Variants in IDUA observed in about 807,000 individuals in gnomAD.
IDUA encodes iduronidase alpha-L-.
A neutral mutation model predicts 68.9 loss-of-function variants in IDUA; 65 were observed. The observed-to-expected ratio is 0.94, with a 90% CI of 0.77 to 1.16. IDUA has a LOEUF of 1.16. Among genes scored for constraint, IDUA ranks in the 50% most tolerant of loss-of-function variants. The pLI, the probability that IDUA is intolerant of heterozygous loss-of-function variation, is 0.00. For synonymous variants in IDUA, 529 were observed against 433.6 expected, an observed-to-expected ratio of 1.22 and a Z score of -2.73; for missense variants, 1,046 against 938.0, an observed-to-expected ratio of 1.12 and a Z score of -1.50.
chr4:989,975 C>T lies in IDUA; in HGVS notation c.299+2026C>T, dbSNP rs776045970. The T allele has an allele frequency of 1.9e-5, 29 of 1,556,554 alleles. No individual in the cohort carries two copies. Among genetic ancestry groups the T allele is most frequent in the African/African-American group, 1.2e-4 (9 of 73,560 alleles). ...GGGGGCATGAAACCCGTGGGGATGTCGCCAGCCACGCTCGAGCCAAAGCGC... is the reference window on the plus strand; with the variant it reads ...GGGGGCATGAAACCCGTGGGGATGTTGCCAGCCACGCTCGAGCCAAAGCGC... On this transcript the variant is annotated intron_variant, in intron 2 of 13. Coordinates refer to ENST00000514224, the MANE Select transcript of IDUA (RefSeq NM_000203.5).
chr4:988,406 A>C, intron 2 of IDUA: 1 of 1,063,242 alleles, frequency 9.4e-7, no homozygotes, highest in Non-Finnish European at 1.1e-6. Flanking sequence ...ACCCTCGTGC[A>C]CTTGGCCAGA....
Position 1,002,870 on chromosome 4 carries a change from G to A in IDUA, c.1328G>A (p.Ser443Asn), listed in dbSNP as rs753372256. 4 of 1,444,914 alleles carry A rather than the reference G, an allele frequency of 2.8e-6. No homozygotes were observed. The East Asian group carries it at 9.0e-5, about 33-fold the overall frequency. 89.5% of individuals were successfully genotyped at this position (1,444,914 alleles called of 1,614,324 possible). Residue 443 changes from serine to asparagine, a missense_variant, in exon 9 of 14, where the codon AGC (serine) becomes AAC (asparagine). Transcript: ENST00000514224. Reference sequence around the variant, plus strand: ...CGCGCCGCGGTGCTGATCTACGCGAGCGACGACACCCGCGCCCACCCCAAC... The same window carrying A: ...CGCGCCGCGGTGCTGATCTACGCGAACGACGACACCCGCGCCCACCCCAAC... ...AWRAAVLIYA[S>N]DDTRAHPNRS...
chr4:994,491 A>G (rs1483827201), intron 2 of IDUA, among the ~76,000 whole-genome samples: 19 of 128,670 alleles, frequency 1.5e-4, no homozygotes, highest in Admixed American at 4.8e-4. Context: ...AGGCTGGAGT[A>G]CAGTGGCATG....
Position 988,916 on chromosome 4 carries a change from G to A in IDUA, c.299+967G>A. The A allele has an allele frequency of 6.2e-7, 1 of 1,604,646 alleles. No homozygotes were observed. The highest frequency in any genetic ancestry group is 8.5e-7 in the Non-Finnish European group (1 of 1,176,498). ...GCATCGTGCACACTGAGGAACAGCT[G>A]CTCCTCCTCAGCCGTGTCCCCGGGG... On this transcript the variant is annotated intron_variant, in intron 2 of 13. Transcript: ENST00000514224.
intron 1 of IDUA, 48 bp downstream of exon 1, chr4:987,290 T>G (rs1713807931): frequency 2.7e-6 from 4 of 1,486,500 alleles, no homozygotes; most frequent in Middle Eastern, 2.3e-4. Flanking sequence ...CGGGGAGAGC[T>G]CGGGCGCCCC....
intron 2 of IDUA, among the ~76,000 whole-genome samples, chr4:1,000,305 CT>C (rs1193615596): frequency 1.3e-5 from 2 of 152,246 alleles, no homozygotes; most frequent in African/African-American, 4.8e-5. Context: ...CTCCTGACCC[CT>C]GGCCCCTGCT....
At position 1,003,173 on chromosome 4, in the gene IDUA, A is replaced by C; in HGVS notation, c.1524+16A>C. On this transcript the variant is annotated intron_variant, in intron 10 of 13. Coordinates refer to ENST00000514224, the MANE Select transcript of IDUA (RefSeq NM_000203.5). ...CGCGGCTGAGGTAGGTGGGCCGCGG[A>C]GGGGCGAGGGGCCGGGCCGGGCCGG... The C allele has an allele frequency of 2.2e-6, 2 of 898,846 alleles. No homozygotes were observed. The highest frequency in any genetic ancestry group is 2.6e-6 in the Non-Finnish European group (2 of 782,322). 55.7% of individuals were successfully genotyped at this position (898,846 alleles called of 1,614,324 possible). A position where few individuals can be genotyped will look rare whatever the true frequency, so the allele number is the denominator to read the frequency against.
rs751792135 is a variant in IDUA at position 987,883 on chromosome 4, G to A, written c.233G>A (p.Gly78Asp). Residue 78 changes from glycine (G) to aspartate (D), a missense_variant, in exon 2 of 14, where the codon GGC becomes GAC. By Grantham distance (94) the Gly-to-Asp change is moderately conservative. Transcript: ENST00000514224. ...CAGCAGCTCAACCTCGCCTATGTGG[G>A]CGCCGTCCCTCACCGCGGCATCAAG... The part of the protein sequence containing the change: ...WDQQLNLAYV[G>D]AVPHRGIKQV... 4.8e-5 allele frequency: 77 copies of A among 1,611,620 alleles called. No homozygotes were observed. Among genetic ancestry groups the A allele is most frequent in the Non-Finnish European group, 6.3e-5 (74 of 1,179,620 alleles).
At chr4:1,002,613 C>T in intron 8 of IDUA, 119 bp from the exon 9 acceptor site, 1 of 1,159,146 alleles carries the variant, frequency 8.6e-7, no homozygotes, top group Non-Finnish European at 1.1e-6. Context: ...CTCCGCGTGG[C>T]GGGGCCTGGG....
Position 987,123 on chromosome 4 carries a change from C to T in IDUA, c.39C>T (p.Leu13=), listed in dbSNP as rs1335015335. 75 of 1,442,290 alleles carry T rather than the reference C, an allele frequency of 5.2e-5. No homozygotes were observed. The highest frequency in any genetic ancestry group is 6.7e-5 in the Non-Finnish European group (74 of 1,102,270). The allele number at this position is 1,442,290 out of a possible 1,614,324, so 89.3% of individuals were successfully genotyped here. ...GCCCCCGCGCCGCGCTGCTGGCGCT[C>T]CTGGCCTCGCTCCTGGCCGCGCCCC... The part of the protein sequence containing the change: ...PLRPRAALLA[L]LASLLAAPPV... Residue 13 remains leucine (L), a synonymous_variant, in exon 1 of 14, where the codon CTC becomes CTT. Coordinates refer to ENST00000514224, the MANE Select transcript of IDUA (RefSeq NM_000203.5).
intron 2 of IDUA, chr4:989,582 C>G (rs760755511): frequency 6.3e-7 from 1 of 1,596,498 alleles, no homozygotes. Flanking sequence ...TTGCGCAGGG[C>G]CCCCCGCAGG....
At position 988,988 on chromosome 4, in the gene IDUA, G is replaced by A. The variant is rs1008508820; in HGVS notation, c.299+1039G>A. On this transcript the variant is annotated intron_variant, in intron 2 of 13. Coordinates refer to ENST00000514224, the MANE Select transcript of IDUA (RefSeq NM_000203.5). Reference sequence around the variant, plus strand: ...CTGCTCAGAATGTCTCTCACAGGCGGGCTGCAGCAGGCTAGCAGCAGGCTG... The same window carrying A: ...CTGCTCAGAATGTCTCTCACAGGCGAGCTGCAGCAGGCTAGCAGCAGGCTG... 4 of 1,592,594 alleles carry A rather than the reference G, an allele frequency of 2.5e-6. No homozygotes were observed. Among genetic ancestry groups the A allele is most frequent in the African/African-American group, 2.7e-5 (2 of 74,412 alleles).
chr4:990,864 C>T (rs1714235477), intron 2 of IDUA: 1 of 494,790 alleles, frequency 2.0e-6, no homozygotes, highest in Admixed American at 3.7e-5. Flanking sequence ...GCCACAGCCA[C>T]ACCTGGCCTG....
chr4:992,009 C>T (rs762655657), intron 2 of IDUA: 9 of 641,578 alleles, frequency 1.4e-5, no homozygotes, highest in African/African-American at 5.3e-5. Context: ...TGAGGGGCGG[C>T]GTGGCGGCAC....
intron 2 of IDUA, among the ~76,000 whole-genome samples, chr4:994,684 A>G (rs906889039): frequency 6.6e-6 from 1 of 152,006 alleles, no homozygotes; most frequent in African/African-American, 2.4e-5. Flanking sequence ...TGATCCACCC[A>G]CCTCGGCCTC....
chr4:988,788 G>C (rs1192321728), intron 2 of IDUA: 1 of 1,484,068 alleles, frequency 6.7e-7, no homozygotes, highest in African/African-American at 1.4e-5. Flanking sequence ...CGTCTGCTGT[G>C]GGTCCCCAGG....
At chr4:992,255 C>T (rs904951907) in intron 2 of IDUA, 1 of 455,456 alleles carries the variant, frequency 2.2e-6, no homozygotes, top group Non-Finnish European at 4.4e-6. Context: ...CTGCTGTCCA[C>T]CCCATGCCCA....
intron 2 of IDUA, chr4:988,626 GTTCTTGAT>G: frequency 7.2e-7 from 1 of 1,383,144 alleles, no homozygotes; most frequent in Non-Finnish European, 9.3e-7. Context: ...GGAGGCAGAG[GTTCTTGAT>G]TTCTGAGTGT....
At chr4:999,958 G>C in intron 2 of IDUA, 1 of 127,598 alleles carries the variant, frequency 7.8e-6, no homozygotes, top group East Asian at 2.5e-4. Flanking sequence ...TGCAGGCCTC[G>C]TGGGAATTCA....
Sources: allele counts gnomAD v4.1 joint callset (sites outside exome capture counted in the v4.1 genomes callset), GRCh38; gene constraint gnomAD v4.1.1; transcripts MANE v1.5; gene names NCBI Gene and HGNC (gene_info 2026-07-23, HGNC 2026-07-21).